The following LRP1B variants were observed in gnomAD, a reference collection of about 807,000 sequenced individuals.
LRP1B encodes LDL receptor related protein 1B, also known as low-density lipoprotein receptor-related protein 1B.
In LRP1B, 217 loss-of-function variants were observed where a neutral mutation model predicts 556.6. The ratio of observed to expected loss-of-function variants is 0.39; its 90% CI spans 0.35 to 0.44. The LOEUF is 0.44. Among genes scored for constraint, LRP1B ranks in the 20% least tolerant of loss-of-function variants. The probability of loss-of-function intolerance (pLI) is 1.00; values close to 1 mark genes in which losing one functional copy is unlikely to be tolerated. For synonymous variants in LRP1B, 2,047 were observed against 1,865.8 expected, an observed-to-expected ratio of 1.10 and a Z score of -2.50; for missense variants, 5,053 against 5,620.8, an observed-to-expected ratio of 0.90 and a Z score of 3.23.
At chr2:142,115,771 A>T (rs186332025) in intron 1 of LRP1B, among the ~76,000 whole-genome samples, 955 of 9,562 alleles carry the variant, frequency 0.1, 333 homozygotes, top group Non-Finnish European at 0.15. Flanking sequence ...AATATATATC[A>T]TATATATGTA....
intron 83 of LRP1B, among the ~76,000 whole-genome samples, chr2:140,299,938 G>A (rs1015379790): frequency 3.9e-5 from 6 of 152,048 alleles, no homozygotes; most frequent in African/African-American, 1.4e-4. Flanking sequence ...TTTCCTATAT[G>A]TGTTTTTCTT....
intron 1 of LRP1B, among the ~76,000 whole-genome samples, chr2:142,112,257 AAGTC>A (rs1349483871): frequency 5.9e-5 from 9 of 152,204 alleles, no homozygotes; most frequent in East Asian, 3.9e-4. Context: ...AATAATGAGA[AAGTC>A]AGAGCAAATT....
rs184159020 is a variant in LRP1B at position 141,413,455 on chromosome 2, A to G, written c.343+66941T>C. 3.6e-3 allele frequency among the ~76,000 whole-genome samples: 552 copies of G among 152,264 alleles called. 4 individuals carry two copies. Among genetic ancestry groups the G allele is most frequent in the African/African-American group, 0.012 (493 of 41,548 alleles). Reference sequence around the variant, plus strand: ...CTCTAGAAGCTGAAAAAGGCAAGGAAACAGATTCCACTGTAGGGCCTCCAG... The same window carrying G: ...CTCTAGAAGCTGAAAAAGGCAAGGAGACAGATTCCACTGTAGGGCCTCCAG... On this transcript the variant is annotated intron_variant, in intron 3 of 90. Coordinates refer to ENST00000389484, the MANE Select transcript of LRP1B (RefSeq NM_018557.3).
At chr2:140,506,299 C>T (rs562981642) in intron 53 of LRP1B, among the ~76,000 whole-genome samples, 89 of 142,654 alleles carry the variant, frequency 6.2e-4, no homozygotes, top group Non-Finnish European at 1.1e-3. Context: ...GGCTGGAGTG[C>T]AGTGGCATGA....
intron 32 of LRP1B, among the ~76,000 whole-genome samples, chr2:140,790,940 AT>A (rs201743296): frequency 0.053 from 7,633 of 143,224 alleles, 225 homozygotes; most frequent in African/African-American, 0.065. Flanking sequence ...GTCTCTACAA[AT>A]TTTTTTTTTT....
At chr2:141,218,085 T>C (rs1682888221) in intron 6 of LRP1B, among the ~76,000 whole-genome samples, 1 of 151,948 alleles carries the variant, frequency 6.6e-6, no homozygotes, top group African/African-American at 2.4e-5. Flanking sequence ...ATAACAGATG[T>C]TGGTGAGATT....
chr2:140,325,641 A>T (rs1293416347), intron 80 of LRP1B, 121 bp downstream of exon 80: 1 of 642,432 alleles, frequency 1.6e-6, no homozygotes, highest in Admixed American at 3.1e-5. Flanking sequence ...TTATAAGTTG[A>T]AAGGAGAAAG....
intron 7 of LRP1B, among the ~76,000 whole-genome samples, chr2:141,084,884 C>G (rs1344407171): frequency 6.6e-6 from 1 of 151,968 alleles, no homozygotes; most frequent in Non-Finnish European, 1.5e-5. Flanking sequence ...CTCCTGACCT[C>G]GTGATCCGCC....
intron 41 of LRP1B, among the ~76,000 whole-genome samples, chr2:140,668,183 C>T (rs916313997): frequency 3.3e-5 from 5 of 151,714 alleles, no homozygotes; most frequent in Non-Finnish European, 7.4e-5. Context: ...TGGCGGCGTG[C>T]ACCTTAGTCC....
At chr2:140,714,266 G>C (rs1445488265) in intron 37 of LRP1B, among the ~76,000 whole-genome samples, 1 of 152,092 alleles carries the variant, frequency 6.6e-6, no homozygotes, top group Non-Finnish European at 1.5e-5. Context: ...ACATGTCCTA[G>C]CTCACAGTGC....
intron 60 of LRP1B, among the ~76,000 whole-genome samples, chr2:140,472,153 T>C (rs1687797510): frequency 6.6e-6 from 1 of 152,138 alleles, no homozygotes; most frequent in Non-Finnish European, 1.5e-5. Flanking sequence ...TAGAGACTCA[T>C]TCATCTTTAC....
At chr2:140,524,247 G>A (rs1321246733) in intron 49 of LRP1B, among the ~76,000 whole-genome samples, 3 of 151,964 alleles carry the variant, frequency 2.0e-5, no homozygotes, top group African/African-American at 7.2e-5. Flanking sequence ...CTAATCATGA[G>A]AGAAATGCAA....
intron 11 of LRP1B, among the ~76,000 whole-genome samples, chr2:141,040,775 T>A (rs926697544): frequency 1.2e-4 from 18 of 152,086 alleles, no homozygotes; most frequent in Non-Finnish European, 2.4e-4. Flanking sequence ...ATTCTGAAGA[T>A]GCTGGGGACA....
intron 35 of LRP1B, among the ~76,000 whole-genome samples, chr2:140,718,029 A>G (rs992875120): frequency 2.6e-5 from 4 of 152,108 alleles, no homozygotes; most frequent in South Asian, 2.1e-4. Context: ...GTACCAGGGA[A>G]TCAATCAACA....
intron 2 of LRP1B, among the ~76,000 whole-genome samples, chr2:141,782,601 CAA>C (rs1179674904): frequency 1.7e-5 from 2 of 115,790 alleles, no homozygotes; most frequent in Non-Finnish European, 3.4e-5. Flanking sequence ...TAAAAAAAGA[CAA>C]AGAGGAAGAA....
intron 3 of LRP1B, among the ~76,000 whole-genome samples, chr2:141,255,627 T>G (rs1684431936): frequency 6.6e-6 from 1 of 152,044 alleles, no homozygotes; most frequent in Non-Finnish European, 1.5e-5. Context: ...TTCACACATC[T>G]TCACTTCTTA....
chr2:141,985,849 C>T (rs1216981337), intron 1 of LRP1B, among the ~76,000 whole-genome samples: 2 of 151,774 alleles, frequency 1.3e-5, no homozygotes, highest in Non-Finnish European at 2.9e-5. Context: ...CAATGAATCC[C>T]CAAAATGATT....
Position 140,456,192 on chromosome 2 carries a change from A to G in LRP1B, c.9963+263T>C, listed in dbSNP as rs79185917. 6.6e-3 allele frequency among the ~76,000 whole-genome samples: 1,007 copies of G among 152,248 alleles called. 9 individuals are homozygous for G. The highest frequency in any genetic ancestry group is 0.023 in the African/African-American group (953 of 41,566). On this transcript the variant is annotated intron_variant, in intron 62 of 90. Transcript: ENST00000389484. ...AAACTCCACCTCCCTTTACCCACTT[A>G]GGATTTGAGTCATTATTTATGTGGA...
intron 25 of LRP1B, among the ~76,000 whole-genome samples, chr2:140,870,606 A>T (rs1693098531): frequency 6.6e-6 from 1 of 152,308 alleles, no homozygotes; most frequent in African/African-American, 2.4e-5. Context: ...AGTAGTAATC[A>T]AAAAGAGAAA....
Sources: gnomAD v4.1 joint callset for allele counts (sites outside exome capture counted in the v4.1 genomes callset) on GRCh38, gnomAD v4.1.1 for gene constraint, MANE v1.5 for transcripts, NCBI Gene and HGNC (gene_info 2026-07-23, HGNC 2026-07-21) for gene names.